Variants in CACNA1C observed in about 807,000 individuals in gnomAD.
The protein encoded by CACNA1C is voltage-dependent L-type calcium channel subunit alpha-1C.
A neutral mutation model predicts 229.0 loss-of-function variants in CACNA1C; 30 were observed. The ratio of observed to expected loss-of-function variants is 0.13; its 90% CI spans 0.10 to 0.18. The LOEUF (loss-of-function observed/expected upper bound fraction) is 0.18, where lower values mean the gene tolerates loss of function less well. Among genes scored for constraint, CACNA1C ranks in the 10% least tolerant of loss-of-function variants. CACNA1C has a pLI of 1.00. For synonymous variants in CACNA1C, 1,114 were observed against 1,132.5 expected, an observed-to-expected ratio of 0.98 and a Z score of 0.33; for missense variants, 1,658 against 2,845.0, an observed-to-expected ratio of 0.58 and a Z score of 9.49.
At chr12:2,412,365 G>A (rs550714860) in intron 3 of CACNA1C, among the ~76,000 whole-genome samples, 1 of 152,348 alleles carries the variant, frequency 6.6e-6, no homozygotes, top group South Asian at 2.1e-4. Context: ...TCCATTAAGT[G>A]CTCTTCAGGC....
At chr12:2,440,269 C>CA in intron 3 of CACNA1C, among the ~76,000 whole-genome samples, 1 of 152,260 alleles carries the variant, frequency 6.6e-6, no homozygotes, top group East Asian at 1.9e-4. Context: ...ACCTGTTAAG[C>CA]AGTAATTCCC....
chr12:2,047,253 C>T (rs1053343651), intron 1 of CACNA1C, among the ~76,000 whole-genome samples: 1 of 152,174 alleles, frequency 6.6e-6, no homozygotes, highest in Non-Finnish European at 1.5e-5. Flanking sequence ...GAATTCAGGG[C>T]ACATAGTAGA....
At chr12:2,616,321 G>T (rs1387746011) in intron 29 of CACNA1C, among the ~76,000 whole-genome samples, 1 of 152,242 alleles carries the variant, frequency 6.6e-6, no homozygotes, top group Non-Finnish European at 1.5e-5. Flanking sequence ...CACAAAGCCA[G>T]ATGGTTTCTC....
intron 3 of CACNA1C, among the ~76,000 whole-genome samples, chr12:2,292,569 C>T (rs2093619265): frequency 6.6e-6 from 1 of 152,162 alleles, no homozygotes; most frequent in Admixed American, 6.5e-5. Context: ...GTTATCAAAC[C>T]TCTCTACAGC....
chr12:2,651,234 G>T lies in CACNA1C; in HGVS notation c.3946-406G>T, dbSNP rs773269731. On this transcript the variant is annotated intron_variant, in intron 31 of 46. Coordinates refer to ENST00000399655, the MANE Select transcript of CACNA1C (RefSeq NM_000719.7). This position sits in a 1 kb window ranked among gnomAD's most constrained non-coding sequence, Gnocchi z 5.4. ...CACAGGACTGTCTGCCCAGACAAAC[G>T]GGAGACAGGCTAGGACTGCTTCCTC... The T allele has an allele frequency of 9.4e-6, 2 of 213,152 alleles. No individual in the cohort carries two copies. Among genetic ancestry groups the T allele is most frequent in the African/African-American group, 2.3e-5 (1 of 44,040 alleles). 13.2% of individuals were successfully genotyped at this position (213,152 alleles called of 1,614,324 possible). A position where few individuals can be genotyped will look rare whatever the true frequency, so the allele number is the denominator to read the frequency against.
chr12:2,370,000 T>C (rs1351257282), intron 3 of CACNA1C, among the ~76,000 whole-genome samples: 6 of 152,210 alleles, frequency 3.9e-5, no homozygotes, highest in Non-Finnish European at 7.4e-5. Context: ...ATTGCTGCTG[T>C]ATAAGGAGAT....
intron 3 of CACNA1C, among the ~76,000 whole-genome samples, chr12:2,233,951 G>C (rs1423319065): frequency 6.6e-6 from 1 of 152,182 alleles, no homozygotes; most frequent in African/African-American, 2.4e-5. Flanking sequence ...AAGGTCATTT[G>C]GATGGGCATG....
At chr12:2,616,395 C>T (rs2153475782) in intron 29 of CACNA1C, among the ~76,000 whole-genome samples, 1 of 152,320 alleles carries the variant, frequency 6.6e-6, no homozygotes, top group South Asian at 2.1e-4. Context: ...TAGTGGAGCC[C>T]CTCTTGACTG....
intron 3 of CACNA1C, among the ~76,000 whole-genome samples, chr12:2,302,328 G>A (rs143817029): frequency 1.0e-3 from 157 of 151,848 alleles, no homozygotes; most frequent in African/African-American, 3.7e-3. Flanking sequence ...CATAATTGCT[G>A]TGCCCCCTGC....
intron 3 of CACNA1C, among the ~76,000 whole-genome samples, chr12:2,360,698 C>T (rs1416448759): frequency 6.6e-6 from 1 of 152,232 alleles, no homozygotes; most frequent in Non-Finnish European, 1.5e-5. Flanking sequence ...GAAAAGGAGA[C>T]ACCCGGACTG....
At chr12:2,440,245 A>G (rs1482029796) in intron 3 of CACNA1C, among the ~76,000 whole-genome samples, 1 of 152,086 alleles carries the variant, frequency 6.6e-6, no homozygotes, top group Admixed American at 6.5e-5. Flanking sequence ...CATCTCCACA[A>G]ACAGGAACTC....
chr12:2,539,100 C>G (rs960635395), intron 9 of CACNA1C, among the ~76,000 whole-genome samples: 10 of 152,352 alleles, frequency 6.6e-5, no homozygotes, highest in Middle Eastern at 3.4e-3. Context: ...GGGGACTACA[C>G]TTTCTTTTGT....
chr12:2,563,982 C>T (rs918298303), intron 11 of CACNA1C, among the ~76,000 whole-genome samples: 1 of 152,132 alleles, frequency 6.6e-6, no homozygotes, highest in Non-Finnish European at 1.5e-5. Flanking sequence ...ATAACTTGAC[C>T]CAGGAGGTGA....
At chr12:2,327,901 G>A (rs1031904215) in intron 3 of CACNA1C, among the ~76,000 whole-genome samples, 6 of 152,184 alleles carry the variant, frequency 3.9e-5, no homozygotes, top group African/African-American at 1.2e-4. Context: ...GACCTCAGTG[G>A]AAAACCCTCA....
At chr12:2,589,147 C>T (rs140123994) in intron 18 of CACNA1C, among the ~76,000 whole-genome samples, 1 of 152,186 alleles carries the variant, frequency 6.6e-6, no homozygotes, top group African/African-American at 2.4e-5. Flanking sequence ...GTGTGCCAGG[C>T]ACTGTGCTAG....
rs1030304541 is a variant in CACNA1C, at chr12:2,504,243, G to A, written c.1114-599G>A. On this transcript the variant is annotated intron_variant, in intron 7 of 46. Transcript: ENST00000399655. The surrounding 1 kb of genome is among the most constrained non-coding windows in gnomAD (Gnocchi z 6.8). ...GATTCCTCTTGAGGCAGAGCGGGCC[G>A]AGGTCCCCTTCGGTCACAGGAGTTC... Among the ~76,000 whole-genome samples the A allele has an allele frequency of 1.3e-4, 20 of 152,192 alleles. No homozygotes were observed. Among genetic ancestry groups the A allele is most frequent in the African/African-American group, 4.1e-4 (17 of 41,536 alleles).
intron 3 of CACNA1C, among the ~76,000 whole-genome samples, chr12:2,394,689 G>A (rs112457600): frequency 6.6e-6 from 1 of 152,182 alleles, no homozygotes; most frequent in East Asian, 1.9e-4. Flanking sequence ...AGGGCCCCAG[G>A]TGTAGAGGGA....
chr12:2,234,969 A>C (rs1402602038), intron 3 of CACNA1C, among the ~76,000 whole-genome samples: 3 of 152,134 alleles, frequency 2.0e-5, no homozygotes, highest in Non-Finnish European at 4.4e-5. Flanking sequence ...GGTTCTCACA[A>C]AGGTGGCTTC....
At chr12:2,310,352 A>AAAAAAT (rs201363709) in intron 3 of CACNA1C, among the ~76,000 whole-genome samples, 71 of 139,838 alleles carry the variant, frequency 5.1e-4, no homozygotes, top group African/African-American at 1.8e-3. Context: ...TAAAAAAAAA[A>AAAAAAT]ATATATATAT....
Sources: gnomAD v4.1 joint callset for allele counts (sites outside exome capture counted in the v4.1 genomes callset) on GRCh38, gnomAD v4.1.1 for gene constraint, Gnocchi (gnomAD v3.1) non-coding constraint, MANE v1.5 for transcripts, NCBI Gene and HGNC (gene_info 2026-07-23, HGNC 2026-07-21) for gene names.